Variants in SKAP1 observed in about 807,000 individuals in gnomAD.
SKAP1 encodes the protein src kinase associated phosphoprotein 1.
A neutral mutation model predicts 58.5 loss-of-function variants in SKAP1; 44 were observed. The ratio of observed to expected loss-of-function variants is 0.75; its 90% CI spans 0.59 to 0.97. SKAP1 has a LOEUF of 0.97. Ranked by LOEUF, SKAP1 falls within the 50% of genes least tolerant of loss-of-function variation. The pLI is 0.00. For missense variants in SKAP1, 390 were observed against 435.2 expected, an observed-to-expected ratio of 0.90 and a Z score of 0.92; for synonymous variants, 127 against 149.7, an observed-to-expected ratio of 0.85 and a Z score of 1.11.
intron 11 of SKAP1, among the ~76,000 whole-genome samples, chr17:48,157,258 C>A: frequency 6.8e-6 from 1 of 148,058 alleles, no homozygotes; most frequent in Non-Finnish European, 1.5e-5. Flanking sequence ...TTTTTTGAGA[C>A]GGAGTCTCGC....
At chr17:48,213,407 C>T (rs2064899334) in intron 4 of SKAP1, among the ~76,000 whole-genome samples, 2 of 148,130 alleles carry the variant, frequency 1.4e-5, no homozygotes, top group Non-Finnish European at 3.0e-5. Flanking sequence ...GGCCCTTATA[C>T]AGAGTTGATG....
rs144504655 is a variant in SKAP1, at chr17:48,388,828, G to A, written c.152+7852C>T. ...ACTTTGAGTAATTTCTCATATACCA[G>A]TTCTCTCATCAACAAAAGAACAAAG... is the stretch of plus-strand genomic sequence containing the variant. On this transcript the variant is annotated intron_variant, in intron 2 of 12. Coordinates refer to ENST00000336915, the MANE Select transcript of SKAP1 (RefSeq NM_003726.4). Among the ~76,000 whole-genome samples the A allele has an allele frequency of 8.5e-5, 13 of 152,234 alleles. No homozygotes were observed. In the East Asian group the frequency reaches 2.5e-3, roughly 29 times the overall value.
chr17:48,437,992 C>T, the SKAP1 span, among the ~76,000 whole-genome samples: 3 of 151,980 alleles, frequency 2.0e-5, no homozygotes, highest in Non-Finnish European at 4.4e-5. Context: ...GCTTCTAACC[C>T]GGCCTCCCAC....
At chr17:48,186,426 A>G (rs1315284196) in intron 6 of SKAP1, among the ~76,000 whole-genome samples, 3 of 152,056 alleles carry the variant, frequency 2.0e-5, no homozygotes, top group Non-Finnish European at 4.4e-5. Context: ...AATCTTAAGG[A>G]TTTCAAGTCA....
intron 4 of SKAP1, among the ~76,000 whole-genome samples, chr17:48,304,545 C>T (rs912129172): frequency 1.3e-5 from 2 of 152,124 alleles, no homozygotes; most frequent in South Asian, 2.1e-4. Context: ...TGCTGTATCA[C>T]GAGAGACTCA....
intron 4 of SKAP1, among the ~76,000 whole-genome samples, chr17:48,219,799 C>T (rs1490611342): frequency 6.6e-6 from 1 of 152,160 alleles, no homozygotes; most frequent in Non-Finnish European, 1.5e-5. Context: ...CGGTGTCTCC[C>T]AGTCTGCTCT....
intron 4 of SKAP1, among the ~76,000 whole-genome samples, chr17:48,253,870 A>G (rs2065394665): frequency 6.6e-6 from 1 of 152,180 alleles, no homozygotes; most frequent in African/African-American, 2.4e-5. Context: ...TAATAATAAG[A>G]AGAAAATATA....
intron 4 of SKAP1, among the ~76,000 whole-genome samples, chr17:48,263,889 A>G (rs1355285930): frequency 6.6e-6 from 1 of 152,146 alleles, no homozygotes; most frequent in African/African-American, 2.4e-5. Context: ...AAACACAGAC[A>G]CCACTCTGCG....
intron 11 of SKAP1, among the ~76,000 whole-genome samples, chr17:48,147,681 A>G (rs1021544864): frequency 4.1e-4 from 63 of 152,312 alleles, no homozygotes; most frequent in African/African-American, 1.5e-3. Context: ...AAAGGATCGA[A>G]GCTCAGCACT....
At chr17:48,254,356 C>T (rs2065399539) in intron 4 of SKAP1, among the ~76,000 whole-genome samples, 1 of 152,126 alleles carries the variant, frequency 6.6e-6, no homozygotes, top group Admixed American at 6.6e-5. Flanking sequence ...TATTAATTGC[C>T]ATTTACTGCT....
intron 4 of SKAP1, among the ~76,000 whole-genome samples, chr17:48,318,630 C>T (rs2144210810): frequency 6.6e-6 from 1 of 152,284 alleles, no homozygotes; most frequent in South Asian, 2.1e-4. Context: ...CTTTGGGAGG[C>T]CACGGCAGGA....
intron 2 of SKAP1, among the ~76,000 whole-genome samples, chr17:48,381,602 C>A (rs1315005348): frequency 2.6e-5 from 4 of 152,166 alleles, no homozygotes; most frequent in African/African-American, 9.7e-5. Context: ...AATATGGCCT[C>A]TTCTAAAACC....
intron 10 of SKAP1, among the ~76,000 whole-genome samples, chr17:48,169,526 C>T (rs1343549074): frequency 6.6e-6 from 1 of 152,216 alleles, no homozygotes; most frequent in African/African-American, 2.4e-5. Flanking sequence ...CAGCTACACT[C>T]ACATCCGTGC....
chr17:48,441,128 A>C, the SKAP1 span, among the ~76,000 whole-genome samples: 26 of 152,268 alleles, frequency 1.7e-4, no homozygotes, highest in Middle Eastern at 0.01. Context: ...CAAAAACCAA[A>C]CAAACAAACA....
chr17:48,392,148 G>A lies in SKAP1; in HGVS notation c.152+4532C>T, dbSNP rs191769502. On this transcript the variant is annotated intron_variant, in intron 2 of 12. Transcript: ENST00000336915. ...ATTATACATTCTTAAGCTAAATCTT[G>A]TTTTAAAGCTAAATCCACGTTAAGC... Among the ~76,000 whole-genome samples, 328 of 152,126 alleles carry A rather than the reference G, an allele frequency of 2.2e-3. 1 individual carries two copies. Among genetic ancestry groups the A allele is most frequent in the African/African-American group, 7.0e-3 (291 of 41,502 alleles).
chr17:48,303,826 C>G (rs1167965343), intron 4 of SKAP1, among the ~76,000 whole-genome samples: 1 of 152,112 alleles, frequency 6.6e-6, no homozygotes, highest in African/African-American at 2.4e-5. Context: ...TTCTTGCTAT[C>G]TATGAAATAA....
intron 4 of SKAP1, among the ~76,000 whole-genome samples, chr17:48,232,427 ATATT>A (rs1325485349): frequency 6.6e-6 from 1 of 152,232 alleles, no homozygotes; most frequent in African/African-American, 2.4e-5. Context: ...ATGGGCACAA[ATATT>A]TATATAATGA....
chr17:48,145,908 C>A (rs1034819704), intron 11 of SKAP1, among the ~76,000 whole-genome samples: 3 of 152,078 alleles, frequency 2.0e-5, no homozygotes, highest in African/African-American at 7.2e-5. Flanking sequence ...GGCACAGATT[C>A]TTAAACCAGA....
intron 2 of SKAP1, among the ~76,000 whole-genome samples, chr17:48,376,011 T>C (rs1029278914): frequency 7.2e-5 from 11 of 152,160 alleles, no homozygotes; most frequent in African/African-American, 2.7e-4. Context: ...TCCAAACTTG[T>C]GTATTGGAGA....
Sources: allele counts gnomAD v4.1 joint callset (sites outside exome capture counted in the v4.1 genomes callset), GRCh38; gene constraint gnomAD v4.1.1; transcripts MANE v1.5; gene names NCBI Gene and HGNC (gene_info 2026-07-23, HGNC 2026-07-21).